RESF1: variants seen among roughly 807,000 people sequenced by gnomAD.
RESF1 encodes the protein retroelement silencing factor 1, also known as gonad expressed transcript.
A neutral mutation model predicts 134.7 loss-of-function variants in RESF1; 65 were observed. That is an observed-to-expected ratio of 0.48 (90% CI 0.40 to 0.59). RESF1 has a LOEUF of 0.59. Among genes scored for constraint, RESF1 ranks in the 20% least tolerant of loss-of-function variants. The probability of loss-of-function intolerance (pLI) is 0.00; values close to 1 mark genes in which losing one functional copy is unlikely to be tolerated. For synonymous variants in RESF1, 762 were observed against 702.2 expected (o/e 1.09, Z -1.35); for missense variants, 2,274 against 2,002.7 (o/e 1.14, Z -2.59).
At chr12:31,992,269 G>C in intron 5 of RESF1, 109 bp from the exon 6 acceptor site, 1 of 945,876 alleles carries the variant, frequency 1.1e-6, no homozygotes, top group Non-Finnish European at 1.6e-6. Context: ...TTAACTCCTT[G>C]CCTTAATTTT....
intron 3 of RESF1, among the ~76,000 whole-genome samples, chr12:31,977,617 T>A (rs980657340): frequency 1.3e-5 from 2 of 152,186 alleles, no homozygotes; most frequent in African/African-American, 2.4e-5. Context: ...GCTTCATGTA[T>A]TGAAAAGAAC....
At position 31,992,180 on chromosome 12, in the gene RESF1, C is replaced by T. The variant is rs369895042; in HGVS notation, c.5087-198C>T. On this transcript the variant is annotated intron_variant, in intron 5 of 5. Transcript: ENST00000312561. ...CAAGGAGGCAGGAGTAGAAAACAGC[C>T]CCCAAAAGAAAGGCAAGATGTCACG... Among the ~76,000 whole-genome samples, 6 of 152,076 alleles carry T rather than the reference C, an allele frequency of 3.9e-5. No individual in the cohort carries two copies. The East Asian group carries it at 1.2e-3, about 29-fold the overall frequency.
At chr12:31,972,908 A>G (rs982279411) in intron 3 of RESF1, among the ~76,000 whole-genome samples, 1 of 151,942 alleles carries the variant, frequency 6.6e-6, no homozygotes, top group African/African-American at 2.4e-5. Flanking sequence ...TCGTCTTTTT[A>G]TTCCTTTCTT....
chr12:31,980,659 C>T (rs1195538044), intron 3 of RESF1, among the ~76,000 whole-genome samples: 2 of 152,092 alleles, frequency 1.3e-5, no homozygotes, highest in Non-Finnish European at 2.9e-5. Flanking sequence ...AAAAAGCTAG[C>T]TGTCATTGTG....
chr12:31,960,026 T>A (rs1309862356), intron 1 of RESF1: 1 of 151,594 alleles, frequency 6.6e-6, no homozygotes, highest in Non-Finnish European at 1.5e-5. Flanking sequence ...AGCCGAAGCC[T>A]CCTGGAACAG....
chr12:31,960,062 A>C (rs1939224721), intron 1 of RESF1, among the ~76,000 whole-genome samples: 1 of 151,746 alleles, frequency 6.6e-6, no homozygotes, highest in South Asian at 2.1e-4. Context: ...ATCTATCTCC[A>C]AGTGGTCCGC....
chr12:31,973,312 C>CTT (rs112386514), intron 3 of RESF1, among the ~76,000 whole-genome samples: 37 of 147,716 alleles, frequency 2.5e-4, no homozygotes, highest in Admixed American at 1.6e-3. Flanking sequence ...ATGGATTTGA[C>CTT]TTTTTTTTTT....
chr12:31,983,008 T>G lies in RESF1; in HGVS notation c.2053T>G (p.Ser685Ala). 1 of 1,614,060 alleles carries G rather than the reference T, an allele frequency of 6.2e-7. No homozygotes were observed. The highest frequency in any genetic ancestry group is 8.5e-7 in the Non-Finnish European group (1 of 1,179,998). Reference protein sequence around the residue: ...TCLSLWKKQPSDTAKEKECDK... With the variant: ...TCLSLWKKQPADTAKEKECDK... ...TCTTTCCCTGTGGAAAAAGCAACCT[T>G]CAGATACTGCAAAAGAAAAGGAGTG... Residue 685 changes from serine (S) to alanine (A), a missense_variant, in exon 4 of 6, where the codon TCA becomes GCA. Physicochemically the swap from Ser to Ala is moderately conservative, Grantham distance 99. Transcript: ENST00000312561.
chr12:31,982,061 A>G lies in RESF1; in HGVS notation c.1106A>G (p.Glu369Gly), dbSNP rs769302898. 9.3e-6 allele frequency: 15 copies of G among 1,614,154 alleles called. No homozygotes were observed. Among genetic ancestry groups the G allele is most frequent in the Non-Finnish European group, 1.3e-5 (15 of 1,180,042 alleles). ...GTTCAGACTCTTGCTCAAACTAATGAAGAGAAAATAATGGATTCTTGCAAT... is the reference window on the plus strand; with the variant it reads ...GTTCAGACTCTTGCTCAAACTAATGGAGAGAAAATAATGGATTCTTGCAAT... ...DGVQTLAQTNEEKIMDSCNPT... is the reference protein window; with the variant it reads ...DGVQTLAQTNGEKIMDSCNPT... The change falls in exon 4 of 6, where the codon GAA becomes GGA. Residue 369 changes from glutamate to glycine, a missense_variant. Glu to Gly is a moderately conservative substitution (Grantham distance 98, BLOSUM62 -2). Transcript: ENST00000312561.
At chr12:31,987,379 T>C in intron 5 of RESF1, 57 bp downstream of exon 5, 2 of 986,104 alleles carry the variant, frequency 2.0e-6, no homozygotes, top group Non-Finnish European at 3.2e-6. Context: ...TATATGGAAA[T>C]TGGATTATGG....
intron 4 of RESF1, among the ~76,000 whole-genome samples, chr12:31,987,013 A>C (rs1467919832): frequency 6.6e-6 from 1 of 152,184 alleles, no homozygotes; most frequent in East Asian, 1.9e-4. Flanking sequence ...TCTTCAGTTC[A>C]TGTGAGGGGA....
chr12:31,988,134 A>T (rs1940015197), intron 5 of RESF1, among the ~76,000 whole-genome samples: 1 of 152,178 alleles, frequency 6.6e-6, no homozygotes. Flanking sequence ...AATCTTCAAT[A>T]CAATTTAGGC....
rs1939928754 is a variant in RESF1, at chr12:31,984,972, T to G, written c.4017T>G (p.Ala1339=). 1 of 1,612,852 alleles carries G rather than the reference T, an allele frequency of 6.2e-7. No individual in the cohort carries two copies. Among genetic ancestry groups the G allele is most frequent in the Non-Finnish European group, 8.5e-7 (1 of 1,179,728 alleles). ...QNSRPLKTKT[A]FLPNKDVYKK... is the part of the protein sequence containing the mutation. ...CACGTCCACTAAAAACAAAAACAGC[T>G]TTTTTGCCAAATAAAGATGTGTATA... is the stretch of plus-strand genomic sequence containing the variant. The change falls in exon 4 of 6, where the codon GCT becomes GCG. Residue 1339 remains alanine, a synonymous_variant. Coordinates refer to ENST00000312561, the MANE Select transcript of RESF1 (RefSeq NM_018169.4).
At position 31,984,901 on chromosome 12, in the gene RESF1, C is replaced by T; in HGVS notation, c.3946C>T (p.Gln1316Ter). The change falls in exon 4 of 6, where the codon CAA becomes TAA. Residue 1316 changes from glutamine (Q) to a stop codon, truncating the protein, a stop_gained. Coordinates refer to ENST00000312561, the MANE Select transcript of RESF1 (RefSeq NM_018169.4). LOFTEE classifies it high-confidence loss of function. ...TAATAAAATGACAGCATCTTATGAACAAGCTTCTCAGGAAACCCGACAGAA... is the reference window on the plus strand; with the variant it reads ...TAATAAAATGACAGCATCTTATGAATAAGCTTCTCAGGAAACCCGACAGAA... ...SSNKMTASYEQASQETRQKKH... is the reference protein window; with the variant it reads ...SSNKMTASYE 1 of 1,610,946 alleles carries T rather than the reference C, an allele frequency of 6.2e-7. No individual in the cohort carries two copies. Among genetic ancestry groups the T allele is most frequent in the Non-Finnish European group, 8.5e-7 (1 of 1,179,314 alleles).
At position 31,982,132 on chromosome 12, in the gene RESF1, C is replaced by G; in HGVS notation, c.1177C>G (p.Leu393Val). 2 of 1,613,790 alleles carry G rather than the reference C, an allele frequency of 1.2e-6. No individual in the cohort carries two copies. Among genetic ancestry groups the G allele is most frequent in the Admixed American group, 1.7e-5 (1 of 59,972 alleles). Reference protein sequence around the residue: ...VLDTSVAKEKLVRDIKTLVEI... With the variant: ...VLDTSVAKEKVVRDIKTLVEI... ...GGACACAAGTGTTGCAAAAGAAAAG[C>G]TAGTAAGGGATATTAAAACATTAGT... The change falls in exon 4 of 6, where the codon CTA becomes GTA. Residue 393 changes from leucine to valine, a missense_variant. By Grantham distance (32) the Leu-to-Val change is conservative. Transcript: ENST00000312561.
chr12:31,979,466 C>T (rs545015567), intron 3 of RESF1, among the ~76,000 whole-genome samples: 50 of 152,302 alleles, frequency 3.3e-4, no homozygotes, highest in African/African-American at 1.0e-3. Flanking sequence ...TCTCTGAGGT[C>T]ACTACCTTCC....
At chr12:31,974,762 A>G (rs1254695334) in intron 3 of RESF1, among the ~76,000 whole-genome samples, 1 of 152,076 alleles carries the variant, frequency 6.6e-6, no homozygotes, top group Non-Finnish European at 1.5e-5. Context: ...GGGGACGGGC[A>G]GTTATGAAGC....
intron 3 of RESF1, among the ~76,000 whole-genome samples, chr12:31,972,260 C>T (rs1412470440): frequency 2.6e-5 from 4 of 151,856 alleles, no homozygotes; most frequent in African/African-American, 4.8e-5. Context: ...TACAGCTGGT[C>T]GGTCGGAAGC....
chr12:31,979,067 C>A (rs556859240), intron 3 of RESF1, among the ~76,000 whole-genome samples: 2 of 151,888 alleles, frequency 1.3e-5, no homozygotes, highest in Non-Finnish European at 2.9e-5. Flanking sequence ...ACTACAGGCA[C>A]CTGCCACCAC....
Sources: gnomAD v4.1 joint callset for allele counts (sites outside exome capture counted in the v4.1 genomes callset) on GRCh38, gnomAD v4.1.1 for gene constraint, MANE v1.5 for transcripts, NCBI Gene and HGNC (gene_info 2026-07-23, HGNC 2026-07-21) for gene names.